SUGCT: variants seen among roughly 807,000 people sequenced by gnomAD.
SUGCT encodes the protein succinyl-CoA:glutarate-CoA transferase.
In SUGCT, 41 loss-of-function variants were observed where a neutral mutation model predicts 55.0. That is an observed-to-expected ratio of 0.74 (90% CI 0.58 to 0.97). SUGCT has a LOEUF of 0.97. SUGCT is among the 50% of genes least tolerant of loss of function. The probability of loss-of-function intolerance (pLI) is 0.00; values close to 1 mark genes in which losing one functional copy is unlikely to be tolerated. For synonymous variants in SUGCT, 187 were observed against 200.4 expected (o/e 0.93, Z 0.56); for missense variants, 568 against 547.8 (o/e 1.04, Z -0.37).
At chr7:40,188,684 G>C (rs1385448159) in intron 4 of SUGCT, 104 bp downstream of exon 4, 2 of 630,522 alleles carry the variant, frequency 3.2e-6, no homozygotes, top group Non-Finnish European at 5.3e-6. Context: ...AAAAAATTAA[G>C]ATGTAACTAA....
chr7:40,512,146 G>A (rs1792965519), intron 12 of SUGCT, among the ~76,000 whole-genome samples: 1 of 152,130 alleles, frequency 6.6e-6, no homozygotes, highest in Admixed American at 6.6e-5. Flanking sequence ...TTGCAAAATA[G>A]ACATGTCTCA....
At chr7:40,265,657 CA>C (rs372117082) in intron 7 of SUGCT, among the ~76,000 whole-genome samples, 8 of 146,522 alleles carry the variant, frequency 5.5e-5, no homozygotes, top group East Asian at 2.0e-4. Context: ...AGGAAACAAA[CA>C]AAAAAAAAAC....
At chr7:40,530,805 C>T (rs1583908867) in intron 12 of SUGCT, among the ~76,000 whole-genome samples, 1 of 152,134 alleles carries the variant, frequency 6.6e-6, no homozygotes, top group East Asian at 1.9e-4. Flanking sequence ...ACAACTAAGC[C>T]CAATGCTTTG....
At chr7:40,199,493 G>C (rs1481115523) in intron 6 of SUGCT, among the ~76,000 whole-genome samples, 3 of 152,140 alleles carry the variant, frequency 2.0e-5, no homozygotes, top group Non-Finnish European at 4.4e-5. Context: ...TTCTCTGAAG[G>C]ACATATTTAT....
chr7:40,799,851 A>G (rs1389237017), intron 13 of SUGCT, among the ~76,000 whole-genome samples: 1 of 152,224 alleles, frequency 6.6e-6, no homozygotes, highest in Non-Finnish European at 1.5e-5. Flanking sequence ...CTGAATACCT[A>G]CAGTGAAAAA....
intron 9 of SUGCT, among the ~76,000 whole-genome samples, chr7:40,357,001 T>G (rs539903360): frequency 6.6e-6 from 1 of 152,344 alleles, no homozygotes; most frequent in South Asian, 2.1e-4. Flanking sequence ...CAAATTTATT[T>G]TCTCTGGACA....
intron 12 of SUGCT, among the ~76,000 whole-genome samples, chr7:40,703,087 A>G (rs35428147): frequency 0.32 from 44,084 of 139,494 alleles, 7,212 homozygotes; most frequent in African/African-American, 0.42. Context: ...TTTTTGAGAC[A>G]GAGTCTCACT....
chr7:40,543,437 A>G (rs1231836885), intron 12 of SUGCT, among the ~76,000 whole-genome samples: 1 of 152,238 alleles, frequency 6.6e-6, no homozygotes, highest in Non-Finnish European at 1.5e-5. Flanking sequence ...CAACACACAG[A>G]CTGAAAACAG....
At chr7:40,349,033 T>C (rs1056390032) in intron 9 of SUGCT, among the ~76,000 whole-genome samples, 4 of 152,208 alleles carry the variant, frequency 2.6e-5, no homozygotes, top group Non-Finnish European at 5.9e-5. Flanking sequence ...TTTTATATTG[T>C]GGGATATTTC....
At chr7:40,465,865 A>G (rs1790076979) in intron 11 of SUGCT, among the ~76,000 whole-genome samples, 1 of 151,594 alleles carries the variant, frequency 6.6e-6, no homozygotes. Flanking sequence ...GGCTCTCTTC[A>G]CCTTTCAAAA....
At chr7:40,767,005 T>C (rs1347437179) in intron 13 of SUGCT, among the ~76,000 whole-genome samples, 1 of 152,198 alleles carries the variant, frequency 6.6e-6, no homozygotes, top group Non-Finnish European at 1.5e-5. Flanking sequence ...GATGATTACA[T>C]AACAGCAATA....
intron 9 of SUGCT, among the ~76,000 whole-genome samples, chr7:40,321,942 G>T (rs1281020493): frequency 6.6e-6 from 1 of 152,118 alleles, no homozygotes; most frequent in Non-Finnish European, 1.5e-5. Flanking sequence ...CTTTGGGCAG[G>T]TATCCAGTAG....
chr7:40,527,022 A>G (rs960789228), intron 12 of SUGCT, among the ~76,000 whole-genome samples: 1 of 152,166 alleles, frequency 6.6e-6, no homozygotes, highest in Non-Finnish European at 1.5e-5. Flanking sequence ...TTCTCATTTA[A>G]TTAGAGTTAC....
chr7:40,566,912 T>C (rs1268645046), intron 12 of SUGCT, among the ~76,000 whole-genome samples: 1 of 152,238 alleles, frequency 6.6e-6, no homozygotes, highest in African/African-American at 2.4e-5. Flanking sequence ...CTTTTTGTTA[T>C]TCATCTGGGT....
chr7:40,836,032 A>G (rs1023638416), intron 13 of SUGCT, among the ~76,000 whole-genome samples: 2 of 151,330 alleles, frequency 1.3e-5, no homozygotes, highest in African/African-American at 4.9e-5. Flanking sequence ...AGCTGGGACT[A>G]CAGGTTTATG....
chr7:40,909,217 C>T, the SUGCT span, among the ~76,000 whole-genome samples: 2 of 152,130 alleles, frequency 1.3e-5, no homozygotes, highest in Non-Finnish European at 2.9e-5. Context: ...GTCACCTGGA[C>T]TGGAGCTCTG....
intron 9 of SUGCT, among the ~76,000 whole-genome samples, chr7:40,432,137 T>A (rs564624227): frequency 2.6e-5 from 4 of 152,292 alleles, no homozygotes; most frequent in African/African-American, 4.8e-5. Flanking sequence ...TTTTCCCAAT[T>A]GATTATAATT....
chr7:41,001,286 A>G, the SUGCT span, among the ~76,000 whole-genome samples: 1 of 152,058 alleles, frequency 6.6e-6, no homozygotes, highest in Admixed American at 6.6e-5. Flanking sequence ...AAACTCAGAG[A>G]AGGAGTGTCA....
intron 7 of SUGCT, among the ~76,000 whole-genome samples, chr7:40,266,184 C>CT (rs1562627615): frequency 6.6e-4 from 16 of 24,192 alleles, no homozygotes; most frequent in Middle Eastern, 0.023. Flanking sequence ...TCTTTCCTTT[C>CT]CTTTTTTTTT....
Sources: allele counts gnomAD v4.1 joint callset (sites outside exome capture counted in the v4.1 genomes callset), GRCh38; gene constraint gnomAD v4.1.1; transcripts MANE v1.5; gene names NCBI Gene and HGNC (gene_info 2026-07-23, HGNC 2026-07-21).